Variants in FLT1 observed in about 807,000 individuals in gnomAD.
The protein encoded by FLT1 is fms related receptor tyrosine kinase 1.
FLT1 carries 49 observed loss-of-function variants against 156.3 expected under a neutral mutation model. The observed-to-expected ratio is 0.31, with a 90% CI of 0.25 to 0.40. The LOEUF is 0.40. Among genes scored for constraint, FLT1 ranks in the 10% least tolerant of loss-of-function variants. The pLI, the probability that FLT1 is intolerant of heterozygous loss-of-function variation, is 1.00. For synonymous variants in FLT1, 594 were observed against 583.8 expected, an observed-to-expected ratio of 1.02 and a Z score of -0.25; for missense variants, 1,322 against 1,637.2, an observed-to-expected ratio of 0.81 and a Z score of 3.32.
chr13:28,426,119 T>C (rs1877324777), intron 10 of FLT1, among the ~76,000 whole-genome samples: 1 of 151,194 alleles, frequency 6.6e-6, no homozygotes, highest in African/African-American at 2.5e-5. Context: ...TTGTTTACTT[T>C]TCCTGTCAAT....
chr13:28,474,485 GACACACAC>G (rs57021123), intron 1 of FLT1, among the ~76,000 whole-genome samples: 38 of 112,482 alleles, frequency 3.4e-4, no homozygotes, highest in East Asian at 3.1e-3. Flanking sequence ...AACAACCACA[GACACACAC>G]ACACACACAC....
intron 10 of FLT1, among the ~76,000 whole-genome samples, chr13:28,424,680 A>G (rs796763213): frequency 1.3e-5 from 2 of 152,342 alleles, no homozygotes; most frequent in South Asian, 4.1e-4. Flanking sequence ...GGCCGTGGAT[A>G]TACATAGATA....
chr13:28,387,426 AC>A, intron 13 of FLT1: 1 of 1,056,496 alleles, frequency 9.5e-7, no homozygotes. Context: ...AACCTAAGTT[AC>A]TTGATGGAAG....
At chr13:28,309,780 C>A (rs944665396) in intron 27 of FLT1, among the ~76,000 whole-genome samples, 1 of 151,136 alleles carries the variant, frequency 6.6e-6, no homozygotes, top group African/African-American at 2.4e-5. Context: ...GGTTGTGAGG[C>A]CTGAACAGTG....
At chr13:28,487,268 G>T (rs1881217433) in intron 1 of FLT1, among the ~76,000 whole-genome samples, 1 of 152,232 alleles carries the variant, frequency 6.6e-6, no homozygotes, top group African/African-American at 2.4e-5. Flanking sequence ...AGAGGCAAAG[G>T]CTTTCATAGA....
chr13:28,427,060 A>C (rs1350878207), intron 10 of FLT1, 99 bp downstream of exon 10: 1 of 1,116,540 alleles, frequency 9.0e-7, no homozygotes, highest in Admixed American at 1.7e-5. Flanking sequence ...AATATACAGT[A>C]CATCCCACAT....
intron 18 of FLT1, among the ~76,000 whole-genome samples, chr13:28,331,213 G>T (rs772519695): frequency 3.3e-5 from 5 of 152,188 alleles, no homozygotes; most frequent in Non-Finnish European, 7.3e-5. Flanking sequence ...TACCAACATG[G>T]TATTTCATAA....
At chr13:28,467,996 C>T (rs1879945108) in intron 1 of FLT1, among the ~76,000 whole-genome samples, 2 of 152,244 alleles carry the variant, frequency 1.3e-5, no homozygotes, top group Non-Finnish European at 1.5e-5. Context: ...TCAGTGTCAT[C>T]CAAAATATAT....
intron 1 of FLT1, among the ~76,000 whole-genome samples, chr13:28,481,241 C>G (rs1482460162): frequency 6.6e-6 from 1 of 152,134 alleles, no homozygotes; most frequent in Non-Finnish European, 1.5e-5. Flanking sequence ...AAGCAATTCT[C>G]TAGAAGATGG....
intron 4 of FLT1, among the ~76,000 whole-genome samples, chr13:28,434,559 A>G (rs546866985): frequency 6.6e-4 from 100 of 152,312 alleles, no homozygotes; most frequent in Non-Finnish European, 4.7e-4. Context: ...GGGAATCTTC[A>G]TAATAAGCTG....
chr13:28,473,782 GAAAGAAAGAAAGAAAGAAAGAAA>G (rs1880358290), intron 1 of FLT1, among the ~76,000 whole-genome samples: 7 of 67,204 alleles, frequency 1.0e-4, no homozygotes, highest in Admixed American at 1.6e-4. Context: ...AGGAAGGAAA[GAAAGAAAGAAAGAAAGAAAGAAA>G]GAAAGAAAGA....
intron 14 of FLT1, among the ~76,000 whole-genome samples, chr13:28,378,374 G>A (rs780839789): frequency 6.6e-6 from 1 of 152,120 alleles, no homozygotes; most frequent in African/African-American, 2.4e-5. Flanking sequence ...GGCTGAGAAT[G>A]AGCAGATATT....
chr13:28,460,656 CCCCCA>C (rs1290348667), intron 3 of FLT1, among the ~76,000 whole-genome samples: 1 of 134,832 alleles, frequency 7.4e-6, no homozygotes, highest in Non-Finnish European at 1.6e-5. Context: ...TGTGCCCCTC[CCCCCA>C]CCCCACCCCC....
At chr13:28,349,088 G>A (rs1872656405) in intron 15 of FLT1, among the ~76,000 whole-genome samples, 1 of 152,228 alleles carries the variant, frequency 6.6e-6, no homozygotes, top group Non-Finnish European at 1.5e-5. Context: ...ACTGATGAGT[G>A]TGTTATAAGT....
At chr13:28,377,347 A>G (rs1565992972) in intron 14 of FLT1, among the ~76,000 whole-genome samples, 1 of 152,236 alleles carries the variant, frequency 6.6e-6, no homozygotes, top group African/African-American at 2.4e-5. Flanking sequence ...CAGCATGAAC[A>G]TAGGAAAATT....
At chr13:28,341,882 G>T (rs1048537625) in intron 16 of FLT1, among the ~76,000 whole-genome samples, 2 of 151,908 alleles carry the variant, frequency 1.3e-5, no homozygotes, top group Admixed American at 6.6e-5. Flanking sequence ...TTTTATTTTT[G>T]TTATTTTTTA....
intron 3 of FLT1, among the ~76,000 whole-genome samples, chr13:28,459,889 T>A (rs954229645): frequency 6.6e-6 from 1 of 152,272 alleles, no homozygotes; most frequent in African/African-American, 2.4e-5. Flanking sequence ...CGTGAACACC[T>A]TCTTTCGGTC....
At chr13:28,476,853 G>T (rs1358398789) in intron 1 of FLT1, among the ~76,000 whole-genome samples, 1 of 152,158 alleles carries the variant, frequency 6.6e-6, no homozygotes, top group Non-Finnish European at 1.5e-5. Flanking sequence ...TTTTAAGGCT[G>T]TCTTACAATT....
intron 3 of FLT1, 170 bp downstream of exon 3, chr13:28,466,733 T>G: frequency 1.4e-6 from 1 of 696,766 alleles, no homozygotes; most frequent in South Asian, 1.5e-5. Flanking sequence ...GCCTTGACAA[T>G]TCTGGTTAAA....
Sources: gnomAD v4.1 joint callset for allele counts (sites outside exome capture counted in the v4.1 genomes callset) on GRCh38, gnomAD v4.1.1 for gene constraint, MANE v1.5 for transcripts, NCBI Gene and HGNC (gene_info 2026-07-23, HGNC 2026-07-21) for gene names.